The following SIGLEC9 variants were observed in gnomAD, a reference collection of about 807,000 sequenced individuals.
The protein encoded by SIGLEC9 is sialic acid-binding Ig-like lectin 9.
SIGLEC9 carries 26 observed loss-of-function variants against 38.3 expected under a neutral mutation model. That is an observed-to-expected ratio of 0.68 (90% CI 0.50 to 0.94). The LOEUF (loss-of-function observed/expected upper bound fraction) is 0.94, where lower values mean the gene tolerates loss of function less well. Among genes scored for constraint, SIGLEC9 ranks in the 40% least tolerant of loss-of-function variants. The pLI is 0.00. For synonymous variants in SIGLEC9, 236 were observed against 248.0 expected, an observed-to-expected ratio of 0.95 and a Z score of 0.45; for missense variants, 556 against 585.7, an observed-to-expected ratio of 0.95 and a Z score of 0.52.
chr19:51,125,666 G>T lies in SIGLEC9; in HGVS notation c.491G>T (p.Cys164Phe). ...LESGCPQNLT[C>F]SVPWACEQGT... ...TCCGGCTGCCCCCAGAATCTGACCT[G>T]CTCTGTGCCCTGGGCCTGTGAGCAG... Residue 164 changes from cysteine (C) to phenylalanine (F), a missense_variant, in exon 2 of 7, where the codon TGC (cysteine) becomes TTC (phenylalanine). Coordinates refer to ENST00000250360, the MANE Select transcript of SIGLEC9 (RefSeq NM_014441.3). The T allele has an allele frequency of 1.9e-6, 3 of 1,613,826 alleles. No individual in the cohort carries two copies. Among genetic ancestry groups the T allele is most frequent in the East Asian group, 2.2e-5 (1 of 44,870 alleles).
rs763446784 is a variant in SIGLEC9, at chr19:51,127,994, G to C, written c.1061G>C (p.Gly354Ala). The change falls in exon 5 of 7, where the codon GGA becomes GCA. Residue 354 changes from glycine (G) to alanine (A), a missense_variant. By Grantham distance (60) the Gly-to-Ala change is moderately conservative. Coordinates refer to ENST00000250360, the MANE Select transcript of SIGLEC9 (RefSeq NM_014441.3). Reference protein sequence around the residue: ...GVTQGVVGGAGATALVFLSFC... With the variant: ...GVTQGVVGGAAATALVFLSFC... ...ACTCAGGGGGTGGTCGGGGGAGCTG[G>C]AGCCACAGCCCTGGTCTTCCTGTCC... 21 of 1,613,996 alleles carry C rather than the reference G, an allele frequency of 1.3e-5. No individual in the cohort carries two copies. The highest frequency in any genetic ancestry group is 2.2e-5 in the East Asian group (1 of 44,898).
At chr19:51,124,086 G>A (rs972526050), upstream of SIGLEC9, among the ~76,000 whole-genome samples, 2 of 152,166 alleles carry the variant, frequency 1.3e-5, no homozygotes, top group Admixed American at 1.3e-4. Context: ...GCGAGACATC[G>A]GTGGTGAAGA....
At chr19:51,124,448 T>C (rs1335374575), upstream of SIGLEC9, among the ~76,000 whole-genome samples, 1 of 152,090 alleles carries the variant, frequency 6.6e-6, no homozygotes, top group East Asian at 1.9e-4. Flanking sequence ...TTGGGGACAG[T>C]GTCCAGCTCT....
intron 3 of SIGLEC9, 106 bp from the exon 4 acceptor site, chr19:51,126,924 T>G (rs2091982256): frequency 1.0e-6 from 1 of 991,598 alleles, no homozygotes; most frequent in Admixed American, 2.3e-5. Flanking sequence ...TTTCCAGAAC[T>G]TCAGTCTATG....
At chr19:51,127,669 G>T (rs2091987526) in intron 4 of SIGLEC9, among the ~76,000 whole-genome samples, 1 of 152,120 alleles carries the variant, frequency 6.6e-6, no homozygotes, top group Non-Finnish European at 1.5e-5. Flanking sequence ...ATATTGCAAT[G>T]CAATAATCTT....
chr19:51,136,039 T>A lies in SIGLEC9; in HGVS notation c.1281T>A (p.Cys427Ter). 1 of 703,816 alleles carries A rather than the reference T, an allele frequency of 1.4e-6. No individual in the cohort carries two copies. The highest frequency in any genetic ancestry group is 1.5e-5 in the South Asian group (1 of 67,610). 43.6% of individuals were successfully genotyped at this position (703,816 alleles called of 1,614,324 possible). ...TTCTCCTGAATCTCCGTGATCTTTGTTGCCATCCAGATTCTGAATTCTATG... is the reference window on the plus strand; with the variant it reads ...TTCTCCTGAATCTCCGTGATCTTTGATGCCATCCAGATTCTGAATTCTATG... Residue 427 changes from cysteine to a stop codon, truncating the protein, a stop_gained, in exon 7 of 7, where the codon TGT becomes TGA. Transcript: ENST00000440804. LOFTEE classifies it high-confidence loss of function.
chr19:51,126,939 T>C, intron 3 of SIGLEC9, 91 bp from the exon 4 acceptor site: 1 of 1,142,138 alleles, frequency 8.8e-7, no homozygotes, highest in East Asian at 2.4e-5. Context: ...TCTATGTCTG[T>C]GTGTCAGTTG....
At chr19:51,123,122 G>A (rs2091953876), upstream of SIGLEC9, among the ~76,000 whole-genome samples, 2 of 152,130 alleles carry the variant, frequency 1.3e-5, no homozygotes, top group African/African-American at 4.8e-5. Context: ...AGGGCTTCTG[G>A]CCCCTGGTTC....
rs755871247 is a variant in SIGLEC9 at position 51,130,017 on chromosome 19, TG to T, written c.1333del (p.Asp445ThrfsTer56). The T allele has an allele frequency of 6.2e-7, 1 of 1,613,948 alleles. No individual in the cohort carries two copies. The highest frequency in any genetic ancestry group is 8.5e-7 in the Non-Finnish European group (1 of 1,179,946). ...ASLSFQMVKPWDSRGQEATDT... is the reference protein window; with the variant it reads ...ASLSFQMVKPXDSRGQEATDT... ...CCTCAGCTTCCAGATGGTGAAGCCT[TG>T]GGACTCGCGGGGACAGGAGGCCACT... On this transcript the variant is annotated frameshift_variant, in exon 7 of 7. Coordinates refer to ENST00000250360, the MANE Select transcript of SIGLEC9 (RefSeq NM_014441.3). LOFTEE classifies it low-confidence loss of function (END_TRUNC).
upstream of SIGLEC9, chr19:51,124,787 G>T (rs557487659): frequency 2.6e-4 from 183 of 697,766 alleles, no homozygotes; most frequent in Non-Finnish European, 4.0e-4. Context: ...GTGGACGGTG[G>T]ATCTCCCAGG....
In SIGLEC9 at chr19:51,127,085, G is replaced by A. The variant is rs776357117; in HGVS notation, c.804G>A (p.Leu268=). ...SSLSLPEGQS[L]RLVCAVDAVD... ...TGTCACTCCCAGAGGGCCAGTCTCT[G>A]CGCCTGGTCTGTGCAGTTGATGCAG... Residue 268 remains leucine (L), a synonymous_variant, in exon 4 of 7, where the codon CTG becomes CTA. Coordinates refer to ENST00000250360, the MANE Select transcript of SIGLEC9 (RefSeq NM_014441.3). 1 of 1,614,212 alleles carries A rather than the reference G, an allele frequency of 6.2e-7. No individual in the cohort carries two copies. Among genetic ancestry groups the A allele is most frequent in the Admixed American group, 1.7e-5 (1 of 60,030 alleles).
At chr19:51,131,978 C>T (rs555234016), downstream of SIGLEC9, among the ~76,000 whole-genome samples, 176 of 152,174 alleles carry the variant, frequency 1.2e-3, no homozygotes, top group Middle Eastern at 3.4e-3. Flanking sequence ...CCTGCCAAGC[C>T]TCCTGTTGAT....
chr19:51,121,408 C>G (rs2091949861), upstream of SIGLEC9, among the ~76,000 whole-genome samples: 1 of 151,922 alleles, frequency 6.6e-6, no homozygotes, highest in African/African-American at 2.4e-5. Context: ...TGGCGTCTCT[C>G]TTCCCCCATT....
downstream of SIGLEC9, among the ~76,000 whole-genome samples, chr19:51,131,598 T>TA (rs58667573): frequency 4.9e-5 from 7 of 141,572 alleles, no homozygotes; most frequent in African/African-American, 1.6e-4. Flanking sequence ...AAAAAATAAA[T>TA]AAATAAATAA....
chr19:51,131,549 G>C (rs2092014921), downstream of SIGLEC9, among the ~76,000 whole-genome samples: 1 of 151,288 alleles, frequency 6.6e-6, no homozygotes, highest in African/African-American at 2.4e-5. Context: ...TCGTGCCACT[G>C]CACTCCAGCC....
chr19:51,129,600 A>G (rs2280806), intron 6 of SIGLEC9, among the ~76,000 whole-genome samples: 28,427 of 151,998 alleles, frequency 0.19, 3,464 homozygotes, highest in East Asian at 0.26. Context: ...CCCAGGATGT[A>G]GTGCAGTGGC....
At chr19:51,124,846 A>G (rs751708687), upstream of SIGLEC9, 1 of 1,183,802 alleles carries the variant, frequency 8.4e-7, no homozygotes, top group Admixed American at 2.7e-5. Context: ...TCCTCTGAGG[A>G]GGTCACTGTT....
In SIGLEC9 at chr19:51,124,953, C is replaced by G. The variant is rs373973223; in HGVS notation, c.-22C>G. On this transcript the variant is annotated 5_prime_UTR_variant, in exon 1 of 7. Transcript: ENST00000250360. ...TGAGGAACAGACGTTCCCTCGCGGC[C>G]CTGGCACCTCTAACCCCAGACATGC... The G allele has an allele frequency of 7.6e-6, 12 of 1,583,776 alleles. No individual in the cohort carries two copies. The highest frequency in any genetic ancestry group is 9.4e-6 in the Non-Finnish European group (11 of 1,164,314).
At chr19:51,128,648 A>C in intron 6 of SIGLEC9, 138 bp downstream of exon 6, 1 of 740,266 alleles carries the variant, frequency 1.4e-6, no homozygotes, top group East Asian at 2.8e-5. Context: ...CCCAAATCAC[A>C]ATGTTTGGTT....
Sources: allele counts gnomAD v4.1 joint callset (sites outside exome capture counted in the v4.1 genomes callset), GRCh38; gene constraint gnomAD v4.1.1; transcripts MANE v1.5; gene names NCBI Gene and HGNC (gene_info 2026-07-23, HGNC 2026-07-21).